Variants in DLGAP1 observed in about 807,000 individuals in gnomAD.
DLGAP1 encodes the protein DLG associated protein 1, also known as disks large-associated protein 1.
DLGAP1 carries 11 observed loss-of-function variants against 90.8 expected under a neutral mutation model. The ratio of observed to expected loss-of-function variants is 0.12; its 90% CI spans 0.08 to 0.20. The LOEUF (loss-of-function observed/expected upper bound fraction) is 0.20, where lower values mean the gene tolerates loss of function less well. DLGAP1 is among the 10% of genes least tolerant of loss of function. The pLI is 1.00. For synonymous variants in DLGAP1, 558 were observed against 540.7 expected (o/e 1.03, Z -0.44); for missense variants, 1,050 against 1,333.8 (o/e 0.79, Z 3.31).
intron 1 of DLGAP1, among the ~76,000 whole-genome samples, chr18:4,190,067 C>T (rs2077368342): frequency 6.6e-6 from 1 of 151,982 alleles, no homozygotes; most frequent in Admixed American, 6.6e-5. Context: ...GAGTTACAAG[C>T]TTATGTCCAC....
In DLGAP1 at chr18:3,578,655, A is replaced by ATT. The variant is rs35788121; in HGVS notation, c.1965+3218_1965+3219dup. ...CAGGCCTGAGCCACCGCACCCGGCCATTTTTTTTTTTTCTTATTATTCTCC... is the reference window on the plus strand; with the variant it reads ...CAGGCCTGAGCCACCGCACCCGGCCATTTTTTTTTTTTTTCTTATTATTCTCC... On this transcript the variant is annotated intron_variant, in intron 8 of 12. Coordinates refer to ENST00000315677, the MANE Select transcript of DLGAP1 (RefSeq NM_004746.4). Among the ~76,000 whole-genome samples, 601 of 149,000 alleles carry ATT rather than the reference A, an allele frequency of 4.0e-3. 6 individuals are homozygous for ATT. Among genetic ancestry groups the ATT allele is most frequent in the African/African-American group, 0.012 (500 of 40,738 alleles).
intron 2 of DLGAP1, among the ~76,000 whole-genome samples, chr18:4,007,078 G>A (rs892770691): frequency 3.9e-5 from 6 of 152,144 alleles, no homozygotes; most frequent in African/African-American, 9.7e-5. Context: ...TCAATGTAGC[G>A]CCTGGCCCAT....
At chr18:3,846,043 G>GGGGTGTGTGTGTGT (rs2068991370) in intron 4 of DLGAP1, among the ~76,000 whole-genome samples, 1 of 145,024 alleles carries the variant, frequency 6.9e-6, no homozygotes, top group Non-Finnish European at 1.5e-5. Flanking sequence ...TTGAAAGTGT[G>GGGGTGTGTGTGTGT]GTGTGTGTGT....
At chr18:4,164,867 T>C (rs1208590342) in intron 1 of DLGAP1, among the ~76,000 whole-genome samples, 1 of 151,990 alleles carries the variant, frequency 6.6e-6, no homozygotes, top group East Asian at 1.9e-4. Flanking sequence ...AGAACCTTGG[T>C]AGATGGACTC....
intron 7 of DLGAP1, among the ~76,000 whole-genome samples, chr18:3,674,538 T>G (rs182963375): frequency 1.8e-3 from 278 of 152,082 alleles, no homozygotes; most frequent in African/African-American, 6.2e-3. Context: ...GAGGATCACT[T>G]GAGCCCAGGA....
chr18:4,007,235 G>C (rs2074321153), intron 2 of DLGAP1, among the ~76,000 whole-genome samples: 5 of 152,172 alleles, frequency 3.3e-5, no homozygotes, highest in Admixed American at 3.3e-4. Flanking sequence ...AGCTCCAGGA[G>C]GTGCTGACTG....
intron 1 of DLGAP1, among the ~76,000 whole-genome samples, chr18:4,239,566 C>A (rs750026961): frequency 6.6e-6 from 1 of 152,134 alleles, no homozygotes; most frequent in Non-Finnish European, 1.5e-5. Context: ...GTACCAAATA[C>A]TGCTTTAAAA....
intron 4 of DLGAP1, among the ~76,000 whole-genome samples, chr18:3,815,766 A>G (rs551526561): frequency 3.9e-5 from 6 of 152,298 alleles, no homozygotes; most frequent in Admixed American, 3.9e-4. Context: ...GTGAAAAAAA[A>G]TGCATAATAA....
intron 1 of DLGAP1, among the ~76,000 whole-genome samples, chr18:4,267,599 A>C (rs144838538): frequency 4.4e-4 from 67 of 152,300 alleles, no homozygotes; most frequent in African/African-American, 1.5e-3. Context: ...ATACAAAATT[A>C]CTCCAAAACT....
chr18:3,629,185 A>G (rs906099449), intron 7 of DLGAP1, among the ~76,000 whole-genome samples: 1 of 152,116 alleles, frequency 6.6e-6, no homozygotes, highest in African/African-American at 2.4e-5. Context: ...CAATCCCAGC[A>G]CTTTGGGAGG....
At chr18:4,107,512 A>T (rs2075890570) in intron 2 of DLGAP1, among the ~76,000 whole-genome samples, 2 of 152,190 alleles carry the variant, frequency 1.3e-5, no homozygotes, top group Non-Finnish European at 2.9e-5. Flanking sequence ...ATTATGAAAA[A>T]AGGGATTTCA....
chr18:3,575,919 C>T (rs1220157207), intron 8 of DLGAP1, among the ~76,000 whole-genome samples: 3 of 152,134 alleles, frequency 2.0e-5, no homozygotes, highest in African/African-American at 7.2e-5. Flanking sequence ...CCCATAAGAA[C>T]ATAGGAATCA....
At chr18:3,743,852 G>C (rs879858504) in intron 5 of DLGAP1, among the ~76,000 whole-genome samples, 1 of 152,068 alleles carries the variant, frequency 6.6e-6, no homozygotes, top group Non-Finnish European at 1.5e-5. Flanking sequence ...GTTTTGCTAT[G>C]TTGGCCAGGC....
rs555385470 is a variant in DLGAP1, at chr18:4,024,145, T to G, written c.-158-18944A>C. ...GAAGTCAAATTAAAACTCCTCTCTT[T>G]GGTAATCTCTGAGATAGTATATACA... On this transcript the variant is annotated intron_variant, in intron 2 of 12. Coordinates refer to ENST00000315677, the MANE Select transcript of DLGAP1 (RefSeq NM_004746.4). Among the ~76,000 whole-genome samples the G allele has an allele frequency of 5.3e-5, 8 of 152,366 alleles. No individual in the cohort carries two copies. The South Asian group carries it at 1.7e-3, about 32-fold the overall frequency.
chr18:3,974,079 A>ATT (rs547544555), intron 3 of DLGAP1, among the ~76,000 whole-genome samples: 2 of 148,360 alleles, frequency 1.3e-5, no homozygotes, highest in African/African-American at 2.5e-5. Context: ...GACACTTTTT[A>ATT]TTTTTTTTTT....
intron 1 of DLGAP1, among the ~76,000 whole-genome samples, chr18:4,244,317 C>T (rs1232690822): frequency 6.6e-6 from 1 of 152,070 alleles, no homozygotes; most frequent in Non-Finnish European, 1.5e-5. Context: ...TTTAGCTTTC[C>T]ATTTACCAAA....
chr18:3,700,566 T>G (rs888094728), intron 7 of DLGAP1, among the ~76,000 whole-genome samples: 1 of 152,148 alleles, frequency 6.6e-6, no homozygotes, highest in Non-Finnish European at 1.5e-5. Flanking sequence ...CTGTTCCTAT[T>G]CAGCCATCTT....
rs191265959 is a variant in DLGAP1, at chr18:3,580,643, C to T, written c.1965+1232G>A. The T allele has an allele frequency of 5.6e-6, 9 of 1,603,486 alleles. No individual in the cohort carries two copies. The East Asian group carries it at 1.8e-4, about 32-fold the overall frequency. Reference sequence around the variant, plus strand: ...TGCCGGTGAGCCTTTGTCGGCTGACCCAGAGGCGAGGAGATTGCTGGGCCC... The same window carrying T: ...TGCCGGTGAGCCTTTGTCGGCTGACTCAGAGGCGAGGAGATTGCTGGGCCC... On this transcript the variant is annotated intron_variant, in intron 8 of 12. Coordinates refer to ENST00000315677, the MANE Select transcript of DLGAP1 (RefSeq NM_004746.4).
At chr18:3,985,083 T>A (rs1362684613) in intron 3 of DLGAP1, among the ~76,000 whole-genome samples, 1 of 152,152 alleles carries the variant, frequency 6.6e-6, no homozygotes, top group East Asian at 1.9e-4. Context: ...ATTTCACATC[T>A]CATGACTGTG....
Sources: allele counts gnomAD v4.1 joint callset (sites outside exome capture counted in the v4.1 genomes callset), GRCh38; gene constraint gnomAD v4.1.1; transcripts MANE v1.5; gene names NCBI Gene and HGNC (gene_info 2026-07-23, HGNC 2026-07-21).